Variants in OR3A2 observed in about 807,000 individuals in gnomAD.
OR3A2 encodes olfactory receptor 3A2.
For synonymous variants in OR3A2, 126 were observed against 159.3 expected (o/e 0.79, Z 1.57); for missense variants, 318 against 392.8 (o/e 0.81, Z 1.61).
exon 2 of OR3A2, chr17:3,278,429 A>G (rs778536530): frequency 3.2e-5 from 51 of 1,614,126 alleles, no homozygotes; most frequent in Middle Eastern, 1.6e-4. Flanking sequence ...ACATGGCCAC[A>G]GTGTGGGTCA....
At chr17:3,361,945 T>C (rs372006714) in intron 2 of OR3A2, among the ~76,000 whole-genome samples, 1 of 151,582 alleles carries the variant, frequency 6.6e-6, no homozygotes, top group Admixed American at 6.6e-5. Flanking sequence ...TGAGTTAGGG[T>C]GGATTCCCTC....
intron 2 of OR3A2, among the ~76,000 whole-genome samples, chr17:3,359,499 C>T (rs1161545905): frequency 6.6e-6 from 1 of 151,754 alleles, no homozygotes; most frequent in African/African-American, 2.4e-5. Flanking sequence ...ATTTGCTTAT[C>T]TGAAAAGGAA....
At chr17:3,339,103 T>C (rs891387363) in intron 2 of OR3A2, among the ~76,000 whole-genome samples, 4 of 152,196 alleles carry the variant, frequency 2.6e-5, no homozygotes, top group African/African-American at 7.2e-5. Flanking sequence ...CTTATGATTT[T>C]TGCACATTGA....
intron 3 of OR3A2, among the ~76,000 whole-genome samples, chr17:3,290,722 A>C (rs563652991): frequency 6.6e-6 from 1 of 152,216 alleles, no homozygotes; most frequent in African/African-American, 2.4e-5. Context: ...TCAGAGCCAC[A>C]CTCCCCTACT....
upstream of OR3A2, among the ~76,000 whole-genome samples, chr17:3,288,675 T>C (rs994268067): frequency 1.3e-5 from 2 of 152,204 alleles, no homozygotes; most frequent in African/African-American, 4.8e-5. Context: ...GTCAAAGATG[T>C]GAAGCAACAA....
chr17:3,309,938 C>T, intron 3 of OR3A2: 1 of 200,502 alleles, frequency 5.0e-6, no homozygotes, highest in Non-Finnish European at 1.0e-5. Context: ...ATCTTGTGTA[C>T]CTCAACTATG....
intron 2 of OR3A2, among the ~76,000 whole-genome samples, chr17:3,347,233 T>A (rs972468204): frequency 1.2e-5 from 1 of 80,498 alleles, no homozygotes; most frequent in Non-Finnish European, 2.1e-5. Flanking sequence ...GCCATTTGTA[T>A]GTCTTCTTTT....
At chr17:3,370,361 A>C (rs2049602643) in intron 2 of OR3A2, among the ~76,000 whole-genome samples, 1 of 152,130 alleles carries the variant, frequency 6.6e-6, no homozygotes, top group Non-Finnish European at 1.5e-5. Flanking sequence ...CTGTGGTATC[A>C]GTTGTAATAT....
intron 2 of OR3A2, among the ~76,000 whole-genome samples, chr17:3,347,574 T>A (rs201184970): frequency 6.6e-6 from 1 of 152,194 alleles, no homozygotes; most frequent in African/African-American, 2.4e-5. Flanking sequence ...GGACATGAAC[T>A]CATCATTTTT....
At chr17:3,303,499 T>C (rs1218779861) in intron 3 of OR3A2, among the ~76,000 whole-genome samples, 1 of 151,804 alleles carries the variant, frequency 6.6e-6, no homozygotes, top group African/African-American at 2.4e-5. Context: ...CCCAGCACTT[T>C]GGGAGGCTGA....
chr17:3,352,761 GA>G lies in OR3A2; in HGVS notation c.-178-16636del, dbSNP rs368878385. 2.8e-4 allele frequency among the ~76,000 whole-genome samples: 43 copies of G among 151,636 alleles called. No individual in the cohort carries two copies. The South Asian group carries it at 6.7e-3, about 23-fold the overall frequency. On this transcript the variant is annotated intron_variant, in intron 2 of 4. Coordinates refer to the OR3A2 transcript ENST00000573491. The stretch of plus-strand genomic sequence containing the variant: ...TTTTGTGATTTCATATAAATTTTAG[GA>G]TTTTTTTCTATTTCTGTGAAGAATG...
chr17:3,304,833 C>T (rs2048989008), intron 3 of OR3A2, among the ~76,000 whole-genome samples: 1 of 152,136 alleles, frequency 6.6e-6, no homozygotes, highest in South Asian at 2.1e-4. Context: ...AAAAAATAAA[C>T]TATTGATACA....
upstream of OR3A2, chr17:3,284,550 T>C (rs1289461378): frequency 1.3e-5 from 2 of 149,384 alleles, no homozygotes; most frequent in African/African-American, 5.0e-5. Context: ...AAACTGGCTC[T>C]CCTAGGAGAG....
intron 2 of OR3A2, among the ~76,000 whole-genome samples, chr17:3,373,112 C>A (rs751615061): frequency 1.2e-4 from 19 of 152,158 alleles, no homozygotes; most frequent in Non-Finnish European, 2.2e-4. Context: ...TTTGAGGGTT[C>A]CTTTTGGAGT....
intron 2 of OR3A2, among the ~76,000 whole-genome samples, chr17:3,365,106 G>C (rs1426289645): frequency 1.3e-5 from 2 of 152,060 alleles, no homozygotes; most frequent in African/African-American, 4.8e-5. Flanking sequence ...ACTCCAAATG[G>C]TGTCACTACA....
In OR3A2 at chr17:3,303,569, G is replaced by A. The variant is rs1004704314; in HGVS notation, c.-84-24416C>T. Among the ~76,000 whole-genome samples, 11 of 151,374 alleles carry A rather than the reference G, an allele frequency of 7.3e-5. No individual in the cohort carries two copies. The East Asian group carries it at 1.4e-3, about 19-fold the overall frequency. ...ATCCTGGCCAACATGGTGAAACCCC[G>A]TCTCTACTAAAAAAAAAATACAAAA... On this transcript the variant is annotated intron_variant, in intron 3 of 4. Coordinates refer to the OR3A2 transcript ENST00000573491.
intron 3 of OR3A2, among the ~76,000 whole-genome samples, chr17:3,305,023 C>T (rs1379361157): frequency 1.3e-5 from 2 of 152,078 alleles, no homozygotes; most frequent in Non-Finnish European, 2.9e-5. Flanking sequence ...GAGAAAGGTA[C>T]GGGGTAACAT....
intron 3 of OR3A2, among the ~76,000 whole-genome samples, chr17:3,306,654 G>A (rs1310457056): frequency 7.1e-6 from 1 of 141,460 alleles, no homozygotes; most frequent in African/African-American, 2.8e-5. Flanking sequence ...GAGAGTGCAG[G>A]GGATCACTGT....
At chr17:3,323,076 T>A (rs1014691649) in intron 3 of OR3A2, among the ~76,000 whole-genome samples, 4 of 152,198 alleles carry the variant, frequency 2.6e-5, no homozygotes, top group Non-Finnish European at 4.4e-5. Context: ...CATATATATT[T>A]AGGATAGTTA....
Sources: allele counts gnomAD v4.1 joint callset (sites outside exome capture counted in the v4.1 genomes callset), GRCh38; gene constraint gnomAD v4.1.1; transcripts MANE v1.5; gene names NCBI Gene and HGNC (gene_info 2026-07-23, HGNC 2026-07-21).